The following NELL1 variants were observed in gnomAD, a reference collection of about 807,000 sequenced individuals.
NELL1 encodes the protein protein kinase C-binding protein NELL1.
Under a neutral mutation model 107.4 loss-of-function variants are expected in NELL1, and 76 were observed. The observed-to-expected ratio is 0.71, with a 90% CI of 0.59 to 0.86. The LOEUF is 0.86. Among genes scored for constraint, NELL1 ranks in the 40% least tolerant of loss-of-function variants. NELL1 has a pLI of 0.00. For synonymous variants in NELL1, 353 were observed against 341.2 expected (o/e 1.03, Z -0.38); for missense variants, 1,024 against 1,005.5 (o/e 1.02, Z -0.25).
chr11:20,854,134 T>C (rs760615751), intron 4 of NELL1, among the ~76,000 whole-genome samples: 1 of 152,190 alleles, frequency 6.6e-6, no homozygotes, highest in African/African-American at 2.4e-5. Flanking sequence ...AAAGCCCACA[T>C]GGATGAGCAA....
intron 7 of NELL1, among the ~76,000 whole-genome samples, chr11:20,919,834 C>T (rs952639047): frequency 1.3e-5 from 2 of 152,062 alleles, no homozygotes; most frequent in Non-Finnish European, 2.9e-5. Context: ...GCAAAGGAGG[C>T]AAAGTTTGCC....
chr11:20,678,205 G>C (rs192479983), intron 2 of NELL1, 145 bp downstream of exon 2: 2 of 884,030 alleles, frequency 2.3e-6, no homozygotes, highest in African/African-American at 1.6e-5. Context: ...TATGCAGGGG[G>C]TATTATTCTG....
chr11:21,312,390 C>G (rs1444347191), intron 14 of NELL1, among the ~76,000 whole-genome samples: 2 of 150,840 alleles, frequency 1.3e-5, no homozygotes, highest in Non-Finnish European at 2.9e-5. Context: ...GGAATGATTA[C>G]TTTGTCCAAA....
rs1051854912 is a variant in NELL1 at position 21,314,056 on chromosome 11, G to A, written c.1550-56797G>A. On this transcript the variant is annotated intron_variant, in intron 14 of 19. Coordinates refer to ENST00000357134, the MANE Select transcript of NELL1 (RefSeq NM_006157.5). ...TTTTGCCATGTGAAGTGCCTATTCT[G>A]GCTTTACCTCCACCATGATTAATAG... Among the ~76,000 whole-genome samples, 99 of 119,472 alleles carry A rather than the reference G, an allele frequency of 8.3e-4. 1 individual carries two copies. The highest frequency in any genetic ancestry group is 7.6e-4 in the Admixed American group (6 of 7,904). 78.4% of individuals were successfully genotyped at this position (119,472 alleles called of 152,430 possible).
At chr11:20,802,410 T>C (rs79659395) in intron 3 of NELL1, among the ~76,000 whole-genome samples, 1 of 149,320 alleles carries the variant, frequency 6.7e-6, no homozygotes, top group Non-Finnish European at 1.5e-5. Context: ...GAAATGCTGT[T>C]TTTTTTTTTG....
intron 14 of NELL1, among the ~76,000 whole-genome samples, chr11:21,367,261 TACACACACACACACACACAC>T (rs72275889): frequency 3.4e-5 from 5 of 145,134 alleles, no homozygotes; most frequent in African/African-American, 1.3e-4. Context: ...TTTATCTTAC[TACACACACACACACACACAC>T]ACACACACAC....
At chr11:21,403,606 CA>C (rs11331255) in intron 15 of NELL1, among the ~76,000 whole-genome samples, 49,588 of 142,736 alleles carry the variant, frequency 0.35, 8,448 homozygotes, top group Admixed American at 0.43. Context: ...TGTAGCTCTT[CA>C]AAAAAAAAAA....
At chr11:21,435,757 C>T (rs2133839233) in intron 15 of NELL1, among the ~76,000 whole-genome samples, 1 of 151,444 alleles carries the variant, frequency 6.6e-6, no homozygotes, top group African/African-American at 2.4e-5. Flanking sequence ...CATGTGTTTT[C>T]ATCAGAAATA....
chr11:21,459,562 C>T (rs572727871), intron 15 of NELL1, among the ~76,000 whole-genome samples: 1 of 151,730 alleles, frequency 6.6e-6, no homozygotes, highest in Admixed American at 6.6e-5. Flanking sequence ...TTGATACAAT[C>T]TGTTGTCCTG....
chr11:21,423,785 T>C (rs893740900), intron 15 of NELL1, among the ~76,000 whole-genome samples: 2 of 152,220 alleles, frequency 1.3e-5, no homozygotes, highest in African/African-American at 4.8e-5. Flanking sequence ...TTTTCCCGTC[T>C]ACAACAGGAT....
At chr11:21,404,139 C>T (rs1206516677) in intron 15 of NELL1, among the ~76,000 whole-genome samples, 1 of 151,554 alleles carries the variant, frequency 6.6e-6, no homozygotes. Flanking sequence ...TGTCTCAGGC[C>T]TGCACTTTAG....
intron 12 of NELL1, among the ~76,000 whole-genome samples, chr11:21,024,614 GC>G (rs1475390418): frequency 1.3e-5 from 2 of 152,104 alleles, no homozygotes; most frequent in African/African-American, 4.8e-5. Flanking sequence ...GTGACATTTA[GC>G]TTTTATTTGT....
At chr11:21,025,204 C>T (rs1239350015) in intron 12 of NELL1, among the ~76,000 whole-genome samples, 1 of 152,146 alleles carries the variant, frequency 6.6e-6, no homozygotes, top group Non-Finnish European at 1.5e-5. Context: ...TCAAAAAGTA[C>T]TTGAATAATA....
At chr11:21,034,960 T>A (rs993450426) in intron 12 of NELL1, among the ~76,000 whole-genome samples, 1 of 152,018 alleles carries the variant, frequency 6.6e-6, no homozygotes, top group Non-Finnish European at 1.5e-5. Context: ...AACTCATTCT[T>A]TGAAAAAACT....
intron 15 of NELL1, among the ~76,000 whole-genome samples, chr11:21,528,431 G>A (rs1855908596): frequency 6.6e-6 from 1 of 151,222 alleles, no homozygotes; most frequent in Non-Finnish European, 1.5e-5. Flanking sequence ...GGCAGGAATC[G>A]ATTAGCTCCC....
chr11:21,308,285 C>G (rs1019594601), intron 14 of NELL1, among the ~76,000 whole-genome samples: 4 of 151,982 alleles, frequency 2.6e-5, no homozygotes, highest in African/African-American at 9.7e-5. Context: ...TTAAAGAAAA[C>G]TCACTAGATT....
chr11:21,013,925 A>T (rs1024513152), intron 12 of NELL1, among the ~76,000 whole-genome samples: 1 of 151,890 alleles, frequency 6.6e-6, no homozygotes, highest in African/African-American at 2.4e-5. Context: ...CTGGTCAGGT[A>T]TTTTTTTAGA....
chr11:20,976,092 T>G (rs1318632494), intron 12 of NELL1, among the ~76,000 whole-genome samples: 2 of 148,134 alleles, frequency 1.4e-5, no homozygotes, highest in East Asian at 3.9e-4. Flanking sequence ...TACATTACAT[T>G]TATATATACA....
At chr11:20,814,142 CACA>C (rs567056814) in intron 3 of NELL1, among the ~76,000 whole-genome samples, 143,296 of 151,476 alleles carry the variant, frequency 0.95, 68,171 homozygotes, top group East Asian at 1. Context: ...ACTACAGGCG[CACA>C]CCGCCACGCC....
Sources: allele counts gnomAD v4.1 joint callset (sites outside exome capture counted in the v4.1 genomes callset), GRCh38; gene constraint gnomAD v4.1.1; transcripts MANE v1.5; gene names NCBI Gene and HGNC (gene_info 2026-07-23, HGNC 2026-07-21).